OR4P4: variants seen among roughly 807,000 people sequenced by gnomAD.
OR4P4 encodes olfactory receptor family 4 subfamily P member 4.
A neutral mutation model predicts 2.1 loss-of-function variants in OR4P4; 1 was observed. The observed-to-expected ratio is 0.47, with a 90% CI of 0.17 to 2.21. The LOEUF is 2.21. OR4P4 is among the 30% of genes most tolerant of loss of function. The pLI is 0.27. For synonymous variants in OR4P4, 129 were observed against 133.2 expected (o/e 0.97, Z 0.22); for missense variants, 375 against 376.5 (o/e 1.00, Z 0.03).
At chr11:55,639,468 T>C in exon 2 of OR4P4, 1 of 480,294 alleles carries the variant, frequency 2.1e-6, no homozygotes, top group South Asian at 3.1e-5. Context: ...ATTATTCTTA[T>C]CCATACTCTC....
intron 1 of OR4P4, among the ~76,000 whole-genome samples, chr11:55,636,870 G>A (rs1262796015): frequency 7.2e-6 from 1 of 137,944 alleles, no homozygotes; most frequent in Non-Finnish European, 1.6e-5. Context: ...TGAAGATAAA[G>A]CATTTTAAAA....
exon 2 of OR4P4, chr11:55,639,496 A>G (rs1189684257): frequency 4.7e-6 from 2 of 424,378 alleles, no homozygotes; most frequent in Non-Finnish European, 8.3e-6. Context: ...TTTCTTAATC[A>G]TTACGATTGT....
At position 55,638,403 on chromosome 11, in the gene OR4P4, T is replaced by C. The variant is rs373680616; in HGVS notation, c.46T>C (p.Ser16Pro). ...CACTTTGTTTATTCTCTTGGGGTTT[T>C]CCCAAAATAAGAACATTGAAGTCCT... The change falls in exon 2 of 2, where the codon TCC (serine) becomes CCC (proline). Residue 16 changes from serine (S) to proline (P), a missense_variant. By Grantham distance (74) the Ser-to-Pro change is moderately conservative. Coordinates refer to ENST00000641760, the Ensembl canonical transcript of OR4P4. The C allele has an allele frequency of 3.2e-5, 46 of 1,453,312 alleles. 6 individuals are homozygous for C. The highest frequency in any genetic ancestry group is 4.0e-5 in the Non-Finnish European group (43 of 1,073,990). The allele number at this position is 1,453,312 out of a possible 1,614,324, so 90.0% of individuals were successfully genotyped here. A position where few individuals can be genotyped will look rare whatever the true frequency, so the allele number is the denominator to read the frequency against.
At position 55,639,167 on chromosome 11, in the gene OR4P4, C is replaced by T; in HGVS notation, c.810C>T (p.Ala270=). 2.0e-6 allele frequency: 3 copies of T among 1,491,092 alleles called. 1 individual carries two copies. The highest frequency in any genetic ancestry group is 2.7e-6 in the Non-Finnish European group (3 of 1,095,744). 92.4% of individuals were successfully genotyped at this position (1,491,092 alleles called of 1,614,324 possible). The change falls in exon 2 of 2, where the codon GCC becomes GCT. Residue 270 remains alanine, a synonymous_variant. Coordinates refer to ENST00000641760, the Ensembl canonical transcript of OR4P4. ...CATTCTCAGAAGATAAAGTGTTTGC[C>T]CTTTTTTATACCATCATTGCTCCCA...
Position 55,638,698 on chromosome 11 carries a change from C to A in OR4P4, c.341C>A (p.Thr114Lys). ...GGAGGCATAGAGATCTTCATTCTCA[C>A]AGGGATGGCCTATGACCGCTATGTG... is the stretch of plus-strand genomic sequence containing the variant. Residue 114 changes from threonine to lysine, a missense_variant, in exon 2 of 2, where the codon ACA (threonine) becomes AAA (lysine). Transcript: ENST00000641760. 1.3e-6 allele frequency: 2 copies of A among 1,490,852 alleles called. 1 individual carries two copies. The highest frequency in any genetic ancestry group is 1.8e-6 in the Non-Finnish European group (2 of 1,095,392). 92.4% of individuals were successfully genotyped at this position (1,490,852 alleles called of 1,614,324 possible). A position where few individuals can be genotyped will look rare whatever the true frequency, so the allele number is the denominator to read the frequency against.
chr11:55,639,590 G>A, exon 2 of OR4P4: 1 of 258,934 alleles, frequency 3.9e-6, no homozygotes, highest in South Asian at 8.4e-5. Flanking sequence ...AACAGATTAT[G>A]TGTTTTTTGT....
exon 2 of OR4P4, chr11:55,639,767 G>T: frequency 7.0e-6 from 1 of 142,280 alleles, no homozygotes; most frequent in Non-Finnish European, 1.5e-5. Flanking sequence ...GAAATTATCA[G>T]CACATCAGAG....
rs372735627 is a variant in OR4P4 at position 55,638,711 on chromosome 11, T to C, written c.354T>C (p.Tyr118=). The C allele has an allele frequency of 1.1e-5, 17 of 1,492,582 alleles. 3 individuals carry two copies. The highest frequency in any genetic ancestry group is 1.5e-5 in the Non-Finnish European group (17 of 1,097,012). The allele number at this position is 1,492,582 out of a possible 1,614,324, so 92.5% of individuals were successfully genotyped here. ...TCTTCATTCTCACAGGGATGGCCTA[T>C]GACCGCTATGTGGCCATTTGCAAGC... Residue 118 remains tyrosine, a synonymous_variant, in exon 2 of 2, where the codon TAT becomes TAC. Transcript: ENST00000641760.
In OR4P4 at chr11:55,638,755, T is replaced by C. The variant is rs1274893926; in HGVS notation, c.398T>C (p.Ile133Thr). Residue 133 changes from isoleucine (I) to threonine (T), a missense_variant, in exon 2 of 2, where the codon ATT (isoleucine) becomes ACT (threonine). Physicochemically the swap from Ile to Thr is moderately conservative, Grantham distance 89 (BLOSUM62 -1). Transcript: ENST00000641760. ...TGCAAGCCCCTGCACTACACCATTA[T>C]TATGAGCAGGCAAAAGTGTAACACA... 6.7e-6 allele frequency: 10 copies of C among 1,492,846 alleles called. 2 individuals carry two copies. Among genetic ancestry groups the C allele is most frequent in the Non-Finnish European group, 8.2e-6 (9 of 1,098,008 alleles). 92.5% of individuals were successfully genotyped at this position (1,492,846 alleles called of 1,614,324 possible).
chr11:55,638,944 TAGTC>T lies in OR4P4; in HGVS notation c.589_592del (p.Val197LeufsTer6). The stretch of plus-strand genomic sequence containing the variant: ...TCTAATATACACATGATAGGTCTCT[TAGTC>T]ATTGCTAATTCAGGCTTAATTGCTT... On this transcript the variant is annotated frameshift_variant, in exon 2 of 2. Coordinates refer to ENST00000641760, the Ensembl canonical transcript of OR4P4. LOFTEE classifies it low-confidence loss of function (END_TRUNC). The T allele has an allele frequency of 4.0e-6, 6 of 1,485,254 alleles. 1 individual carries two copies. Among genetic ancestry groups the T allele is most frequent in the Non-Finnish European group, 5.5e-6 (6 of 1,092,966 alleles). The allele number at this position is 1,485,254 out of a possible 1,614,324, so 92.0% of individuals were successfully genotyped here.
intron 1 of OR4P4, among the ~76,000 whole-genome samples, chr11:55,636,810 G>T (rs1391424657): frequency 7.3e-6 from 1 of 137,452 alleles, no homozygotes; most frequent in African/African-American, 2.5e-5. Flanking sequence ...TTGAGCTTCA[G>T]CATCAATCTC....
At chr11:55,638,636 T>A (rs1858418509) in exon 2 of OR4P4, 3 of 1,491,394 alleles carry the variant, frequency 2.0e-6, no homozygotes, top group Non-Finnish European at 2.7e-6. Flanking sequence ...TTTCCTATAA[T>A]AACTGTATGA....
intron 1 of OR4P4, among the ~76,000 whole-genome samples, chr11:55,636,369 T>C (rs2120179073): frequency 7.2e-6 from 1 of 138,344 alleles, no homozygotes; most frequent in African/African-American, 2.5e-5. Context: ...TTTTAATAAA[T>C]ACTTTGGCCT....
At chr11:55,638,608 T>A (rs1296670777) in exon 2 of OR4P4, 1 of 1,486,908 alleles carries the variant, frequency 6.7e-7, no homozygotes, top group African/African-American at 1.4e-5. Context: ...GTTGACTTAC[T>A]GGCAGAAAGA....
Position 55,635,739 on chromosome 11 carries a change from CT to C in OR4P4, c.-31+524del, listed in dbSNP as rs2120178397. ...TATTTTTTTCTCTCTTAGCATTGCC[CT>C]CATAAACATGTGATATTTGTTGAAA... On this transcript the variant is annotated intron_variant, in intron 1 of 1. Transcript: ENST00000641760. Among the ~76,000 whole-genome samples, 2 of 137,384 alleles carry C rather than the reference CT, an allele frequency of 1.5e-5. 1 individual carries two copies. Among genetic ancestry groups the C allele is most frequent in the South Asian group, 4.8e-4 (2 of 4,198 alleles). 90.1% of individuals were successfully genotyped at this position (137,384 alleles called of 152,430 possible). A position where few individuals can be genotyped will look rare whatever the true frequency, so the allele number is the denominator to read the frequency against.
rs866066454 is a variant in OR4P4 at position 55,639,625 on chromosome 11, T to C, written c.*329T>C. The C allele has an allele frequency of 1.4e-5, 3 of 208,108 alleles. 1 individual carries two copies. Among genetic ancestry groups the C allele is most frequent in the African/African-American group, 7.1e-5 (3 of 42,476 alleles). 12.9% of individuals were successfully genotyped at this position (208,108 alleles called of 1,614,324 possible). A position where few individuals can be genotyped will look rare whatever the true frequency, so the allele number is the denominator to read the frequency against. On this transcript the variant is annotated 3_prime_UTR_variant, in exon 2 of 2. Transcript: ENST00000641760. ...TGCCTTAAAGTTCTGAGAAGATCAA[T>C]GAAATATTACTCTCAGCTTTTACAT...
Position 55,638,130 on chromosome 11 carries a change from G to T in OR4P4, c.-30-198G>T, listed in dbSNP as rs1858409710. ...CTAGGGCAGGGATTGATCACAGTGT[G>T]CTAGAGAGCTAATGGAAATCATCTA... On this transcript the variant is annotated intron_variant, in intron 1 of 1. Coordinates refer to ENST00000641760, the Ensembl canonical transcript of OR4P4. Among the ~76,000 whole-genome samples the T allele has an allele frequency of 2.2e-5, 3 of 136,910 alleles. 1 individual carries two copies. Among genetic ancestry groups the T allele is most frequent in the African/African-American group, 7.6e-5 (3 of 39,598 alleles). 89.8% of individuals were successfully genotyped at this position (136,910 alleles called of 152,430 possible). A position where few individuals can be genotyped will look rare whatever the true frequency, so the allele number is the denominator to read the frequency against.
exon 2 of OR4P4, chr11:55,639,192 A>G (rs775727950): frequency 1.3e-6 from 2 of 1,488,124 alleles, no homozygotes; most frequent in East Asian, 2.6e-5. Context: ...CATTGCTCCC[A>G]TGTTCAACCC....
At position 55,639,183 on chromosome 11, in the gene OR4P4, A is replaced by T. The variant is rs767853483; in HGVS notation, c.826A>T (p.Ile276Phe). The T allele has an allele frequency of 4.0e-6, 6 of 1,488,086 alleles. No homozygotes were observed. In the South Asian group the frequency reaches 5.9e-5, roughly 15 times the overall value. 92.2% of individuals were successfully genotyped at this position (1,488,086 alleles called of 1,614,324 possible). The change falls in exon 2 of 2, where the codon ATT (isoleucine) becomes TTT (phenylalanine). Residue 276 changes from isoleucine to phenylalanine, a missense_variant. Physicochemically the swap from Ile to Phe is conservative, Grantham distance 21 (BLOSUM62 0). Transcript: ENST00000641760. ...AGTGTTTGCCCTTTTTTATACCATC[A>T]TTGCTCCCATGTTCAACCCTCTCAT...
Sources: gnomAD v4.1 joint callset for allele counts (sites outside exome capture counted in the v4.1 genomes callset) on GRCh38, gnomAD v4.1.1 for gene constraint, MANE v1.5 for transcripts, NCBI Gene and HGNC (gene_info 2026-07-23, HGNC 2026-07-21) for gene names.